The following ALG14 variants were observed in gnomAD, a reference collection of about 807,000 sequenced individuals.
ALG14 encodes the protein ALG14 UDP-N-acetylglucosaminyltransferase subunit.
Under a neutral mutation model 22.8 loss-of-function variants are expected in ALG14, and 17 were observed. The ratio of observed to expected loss-of-function variants is 0.75; its 90% CI spans 0.51 to 1.12. ALG14 has a LOEUF of 1.12. ALG14 is among the 50% of genes most tolerant of loss of function. The probability of loss-of-function intolerance (pLI) is 0.00; values close to 1 mark genes in which losing one functional copy is unlikely to be tolerated. For synonymous variants in ALG14, 89 were observed against 103.7 expected, an observed-to-expected ratio of 0.86 and a Z score of 0.86; for missense variants, 288 against 271.8, an observed-to-expected ratio of 1.06 and a Z score of -0.42.
chr1:95,049,504 C>T (rs1351475975), intron 2 of ALG14, among the ~76,000 whole-genome samples: 1 of 151,776 alleles, frequency 6.6e-6, no homozygotes, highest in African/African-American at 2.4e-5. Context: ...CACTGCACTC[C>T]AATCTGGGTG....
At chr1:94,997,853 G>C (rs1316128018) in intron 3 of ALG14, among the ~76,000 whole-genome samples, 6 of 152,132 alleles carry the variant, frequency 3.9e-5, no homozygotes, top group African/African-American at 1.4e-4. Context: ...AATCTTTGTG[G>C]CATCTGTATG....
intron 2 of ALG14, among the ~76,000 whole-genome samples, chr1:95,050,644 T>C (rs890009553): frequency 6.6e-6 from 1 of 152,104 alleles, no homozygotes; most frequent in Admixed American, 6.6e-5. Flanking sequence ...GCCTGTGACA[T>C]GAAGGTTTGA....
chr1:95,016,941 G>GT lies in ALG14; in HGVS notation c.420+10187_420+10188insA, dbSNP rs1268366778. 6.5e-4 allele frequency among the ~76,000 whole-genome samples: 83 copies of GT among 127,584 alleles called. 1 individual carries two copies. Among genetic ancestry groups the GT allele is most frequent in the African/African-American group, 2.4e-3 (80 of 33,658 alleles). The allele number at this position is 127,584 out of a possible 152,430, so 83.7% of individuals were successfully genotyped here. ...ACCAGCCCTTGCAATTTTGCAAAAG[G>GT]GGTGTGTGTGTGTGTGTGTGTGTGT... is the stretch of plus-strand genomic sequence containing the variant. On this transcript the variant is annotated intron_variant, in intron 3 of 3. Transcript: ENST00000370205.
chr1:95,012,503 C>T (rs944271825), intron 3 of ALG14, among the ~76,000 whole-genome samples: 6 of 152,306 alleles, frequency 3.9e-5, no homozygotes, highest in Admixed American at 3.3e-4. Context: ...GATTTTGCTG[C>T]TCATTAAGTA....
intron 3 of ALG14, among the ~76,000 whole-genome samples, chr1:94,999,308 A>G (rs1571588328): frequency 6.7e-6 from 1 of 148,206 alleles, no homozygotes; most frequent in South Asian, 2.1e-4. Flanking sequence ...AAAGTCCTCT[A>G]GCTAAGTATC....
intron 3 of ALG14, among the ~76,000 whole-genome samples, chr1:95,001,984 A>G (rs542243976): frequency 7.9e-5 from 12 of 152,232 alleles, no homozygotes; most frequent in Non-Finnish European, 1.6e-4. Flanking sequence ...TCTGACAGAA[A>G]GGCATGATTT....
Position 94,994,938 on chromosome 1 carries a change from T to A in ALG14, c.421-11632A>T, listed in dbSNP as rs1015234910. Among the ~76,000 whole-genome samples the A allele has an allele frequency of 2.6e-5, 4 of 152,222 alleles. No individual in the cohort carries two copies. In the South Asian group the frequency reaches 8.3e-4, roughly 31 times the overall value. On this transcript the variant is annotated intron_variant, in intron 3 of 3. Transcript: ENST00000370205. Reference sequence around the variant, plus strand: ...AGAGAAAATGGTGAAATGGTTAACATTTTCACAAGAAAAGGGAGTATTCGT... The same window carrying A: ...AGAGAAAATGGTGAAATGGTTAACAATTTCACAAGAAAAGGGAGTATTCGT...
At chr1:95,056,789 TGGCTCACGCCTGTAATCC>T (rs1674949963) in intron 2 of ALG14, among the ~76,000 whole-genome samples, 1 of 151,126 alleles carries the variant, frequency 6.6e-6, no homozygotes, top group African/African-American at 2.4e-5. Context: ...CTGGGCGTGG[TGGCTCACGCCTGTAATCC>T]CAGCACTTTG....
At chr1:94,983,630 G>T in intron 3 of ALG14, 1 of 237,222 alleles carries the variant, frequency 4.2e-6, no homozygotes, top group Admixed American at 5.2e-5. Context: ...ACTGCTCTGT[G>T]GACCTTGAAT....
chr1:95,036,526 A>C (rs1338986924), intron 2 of ALG14, among the ~76,000 whole-genome samples: 1 of 146,712 alleles, frequency 6.8e-6, no homozygotes, highest in Admixed American at 7.0e-5. Flanking sequence ...ACCCAAATTC[A>C]AGCAATTCTC....
chr1:95,060,380 T>C (rs1422796895), intron 2 of ALG14, among the ~76,000 whole-genome samples: 1 of 151,014 alleles, frequency 6.6e-6, no homozygotes, highest in Non-Finnish European at 1.5e-5. Context: ...AGATGCTTAG[T>C]CCTACATTGC....
intron 2 of ALG14, among the ~76,000 whole-genome samples, chr1:95,027,581 T>C (rs1391797625): frequency 6.6e-6 from 1 of 152,214 alleles, no homozygotes; most frequent in Non-Finnish European, 1.5e-5. Flanking sequence ...AGTCAATATG[T>C]AAGACAAGTA....
chr1:95,030,844 T>C (rs1673977591), intron 2 of ALG14, among the ~76,000 whole-genome samples: 1 of 152,146 alleles, frequency 6.6e-6, no homozygotes, highest in African/African-American at 2.4e-5. Context: ...GAAGTCTCAG[T>C]CCATTTTCAG....
chr1:95,034,191 C>T lies in ALG14; in HGVS notation c.289-6931G>A, dbSNP rs142829079. Among the ~76,000 whole-genome samples, 19 of 152,340 alleles carry T rather than the reference C, an allele frequency of 1.2e-4. No individual in the cohort carries two copies. In the East Asian group the frequency reaches 3.3e-3, roughly 26 times the overall value. ...TCAGATCTTGTCTAAACATTACCCA[C>T]TCAGAGGGGAGACAGTTCTTCTCCA... On this transcript the variant is annotated intron_variant, in intron 2 of 3. Transcript: ENST00000370205.
At chr1:94,983,802 C>T (rs1284477718) in intron 3 of ALG14, among the ~76,000 whole-genome samples, 2 of 150,886 alleles carry the variant, frequency 1.3e-5, no homozygotes, top group Non-Finnish European at 2.9e-5. Context: ...AGTGCAGTGG[C>T]GTGATCTCGG....
intron 3 of ALG14, chr1:95,022,246 T>C (rs1340716568): frequency 1.1e-6 from 1 of 892,408 alleles, no homozygotes; most frequent in Non-Finnish European, 1.3e-6. Context: ...TGTTCGGAAC[T>C]CACTCAATGT....
intron 3 of ALG14, among the ~76,000 whole-genome samples, chr1:95,018,260 G>C (rs1311594866): frequency 6.6e-6 from 1 of 152,138 alleles, no homozygotes; most frequent in Non-Finnish European, 1.5e-5. Context: ...AGGTGGCCAG[G>C]CGCGGTGGTT....
chr1:95,061,930 A>G (rs1050532070), intron 2 of ALG14: 11 of 152,148 alleles, frequency 7.2e-5, no homozygotes, highest in Middle Eastern at 3.2e-3. Context: ...CTCACTCTAC[A>G]TAAGGAACAG....
intron 3 of ALG14, among the ~76,000 whole-genome samples, chr1:94,994,176 T>C (rs1672851390): frequency 6.6e-6 from 1 of 152,260 alleles, no homozygotes. Context: ...CTACTTTCAG[T>C]TGAGGAAACC....
Sources: allele counts gnomAD v4.1 joint callset (sites outside exome capture counted in the v4.1 genomes callset), GRCh38; gene constraint gnomAD v4.1.1; transcripts MANE v1.5; gene names NCBI Gene and HGNC (gene_info 2026-07-23, HGNC 2026-07-21).